Variants in RIMS2 observed in about 807,000 individuals in gnomAD.
RIMS2 encodes regulating synaptic membrane exocytosis protein 2.
RIMS2 carries 59 observed loss-of-function variants against 174.4 expected under a neutral mutation model. The observed-to-expected ratio is 0.34, with a 90% CI of 0.27 to 0.42. RIMS2 has a LOEUF of 0.42. RIMS2 is among the 10% of genes least tolerant of loss of function. RIMS2 has a pLI of 1.00. For missense variants in RIMS2, 1,620 were observed against 1,666.3 expected (o/e 0.97, Z 0.48); for synonymous variants, 606 against 572.5 (o/e 1.06, Z -0.84).
intron 1 of RIMS2, among the ~76,000 whole-genome samples, chr8:103,566,730 A>G (rs1451585080): frequency 2.0e-5 from 3 of 152,034 alleles, no homozygotes; most frequent in Non-Finnish European, 2.9e-5. Flanking sequence ...ATCCTTTCCT[A>G]TATCCTTGTA....
chr8:103,700,230 A>G (rs1381231919), intron 2 of RIMS2, among the ~76,000 whole-genome samples: 4 of 151,990 alleles, frequency 2.6e-5, no homozygotes, highest in Admixed American at 2.0e-4. Context: ...TTATAGTTTT[A>G]TGTATTTTTA....
At chr8:104,160,900 C>A (rs1409675952) in intron 19 of RIMS2, among the ~76,000 whole-genome samples, 1 of 152,090 alleles carries the variant, frequency 6.6e-6, no homozygotes, top group Admixed American at 6.6e-5. Context: ...TGAGGATTAG[C>A]AAGATTCTGT....
At chr8:104,228,323 C>T (rs541875765) in intron 19 of RIMS2, among the ~76,000 whole-genome samples, 169 of 152,142 alleles carry the variant, frequency 1.1e-3, no homozygotes, top group Non-Finnish European at 1.8e-3. Flanking sequence ...CCACCGTGCC[C>T]GGCCTAGCTT....
intron 1 of RIMS2, among the ~76,000 whole-genome samples, chr8:103,551,816 C>G (rs1405634787): frequency 6.6e-6 from 1 of 152,086 alleles, no homozygotes; most frequent in African/African-American, 2.4e-5. Context: ...AACAGACAAA[C>G]AGAGAGCCAA....
In RIMS2 at chr8:103,579,484, AC is replaced by A. The variant is rs1186808144; in HGVS notation, c.176+78423del. On this transcript the variant is annotated intron_variant, in intron 1 of 23. Transcript: ENST00000504942. ...GTATGAAGCTCAAAAGACAGATCTA[AC>A]AATAATCATAGTTATAGCTACCTTT... 2.6e-5 allele frequency among the ~76,000 whole-genome samples: 4 copies of A among 152,350 alleles called. No homozygotes were observed. The East Asian group carries it at 7.7e-4, about 29-fold the overall frequency.
Position 103,733,734 on chromosome 8 carries a change from C to T in RIMS2, c.388-32493C>T, listed in dbSNP as rs555444789. Among the ~76,000 whole-genome samples, 8 of 152,284 alleles carry T rather than the reference C, an allele frequency of 5.3e-5. No homozygotes were observed. The South Asian group carries it at 1.2e-3, about 24-fold the overall frequency. ...AACGCTAAGTCGCATAATCACTGTT[C>T]TCTCCCTCCTCCAAACTCACAGATT... is the stretch of plus-strand genomic sequence containing the variant. On this transcript the variant is annotated intron_variant, in intron 2 of 23. Transcript: ENST00000504942.
At chr8:103,752,412 T>C (rs1460176595) in intron 2 of RIMS2, among the ~76,000 whole-genome samples, 1 of 152,162 alleles carries the variant, frequency 6.6e-6, no homozygotes, top group Non-Finnish European at 1.5e-5. Context: ...TCTTTTGGCT[T>C]AGGATTGACT....
rs866087395 is a variant in RIMS2, at chr8:103,787,466, G to C, written c.698+20929G>C. ...TCAGGAGCTCTTTTAGGGCAGGCCT[G>C]GTGGTGACAAAATCTCTCAGCATTT... is the stretch of plus-strand genomic sequence containing the variant. On this transcript the variant is annotated intron_variant, in intron 3 of 23. Coordinates refer to ENST00000504942, the Ensembl canonical transcript of RIMS2. Among the ~76,000 whole-genome samples the C allele has an allele frequency of 2.6e-3, 384 of 150,526 alleles. 8 individuals carry two copies. The South Asian group carries it at 0.036, about 14-fold the overall frequency.
chr8:103,803,525 C>T (rs1459017466), intron 3 of RIMS2, among the ~76,000 whole-genome samples: 3 of 152,014 alleles, frequency 2.0e-5, no homozygotes, highest in African/African-American at 7.3e-5. Flanking sequence ...GTAAACCCAC[C>T]ATATGACAAC....
chr8:103,627,063 G>T (rs1194428250), intron 1 of RIMS2, among the ~76,000 whole-genome samples: 1 of 152,138 alleles, frequency 6.6e-6, no homozygotes, highest in East Asian at 1.9e-4. Flanking sequence ...TACTGCAGGA[G>T]ACCAGGGTGT....
rs758249996 is a variant in RIMS2, at chr8:103,915,568, C to T, written c.1886C>T (p.Ala629Val). The T allele has an allele frequency of 1.0e-5, 16 of 1,599,612 alleles. No homozygotes were observed. In the African/African-American group the frequency reaches 1.5e-4, roughly 15 times the overall value. Reference sequence around the variant, plus strand: ...ACTAAAGTAAAAAAAGGAAGTTTAGCTGATACTGTAGGACATCTTAGACCA... The same window carrying T: ...ACTAAAGTAAAAAAAGGAAGTTTAGTTGATACTGTAGGACATCTTAGACCA... Residue 629 changes from alanine to valine, a missense_variant, in exon 7 of 24, where the codon GCT becomes GTT. Physicochemically the swap from Ala to Val is moderately conservative, Grantham distance 64. Transcript: ENST00000504942.
intron 1 of RIMS2, among the ~76,000 whole-genome samples, chr8:103,552,009 G>GA (rs1484485865): frequency 6.6e-6 from 1 of 152,146 alleles, no homozygotes; most frequent in Non-Finnish European, 1.5e-5. Flanking sequence ...TCAATATCGT[G>GA]AAAATGGCCA....
At chr8:103,758,521 G>A (rs571827835) in intron 2 of RIMS2, among the ~76,000 whole-genome samples, 4 of 152,046 alleles carry the variant, frequency 2.6e-5, no homozygotes, top group East Asian at 1.9e-4. Context: ...TAATGAAGAC[G>A]TGAACATGAA....
At chr8:104,256,081 A>G (rs1416567054), downstream of RIMS2, 2 of 152,242 alleles carry the variant, frequency 1.3e-5, no homozygotes, top group Non-Finnish European at 2.9e-5. Flanking sequence ...CTCAATAAAC[A>G]TCTGTCCAAT....
At chr8:103,910,779 G>A (rs1162146077) in intron 5 of RIMS2, among the ~76,000 whole-genome samples, 3 of 152,076 alleles carry the variant, frequency 2.0e-5, no homozygotes, top group Non-Finnish European at 4.4e-5. Context: ...ATAAAACTTA[G>A]GAACAAAGGA....
intron 15 of RIMS2, among the ~76,000 whole-genome samples, chr8:103,971,478 T>G (rs925103615): frequency 6.6e-6 from 1 of 152,180 alleles, no homozygotes; most frequent in African/African-American, 2.4e-5. Flanking sequence ...ACATATTTAA[T>G]ATTTGACCTA....
chr8:103,503,576 G>A (rs1821693299), intron 1 of RIMS2, among the ~76,000 whole-genome samples: 1 of 151,828 alleles, frequency 6.6e-6, no homozygotes, highest in African/African-American at 2.4e-5. Context: ...TGTATTTTAA[G>A]AGTAGAGAGA....
intron 1 of RIMS2, among the ~76,000 whole-genome samples, chr8:103,546,024 A>G (rs1844892074): frequency 6.6e-6 from 1 of 152,202 alleles, no homozygotes; most frequent in East Asian, 1.9e-4. Context: ...TTGAACCTGC[A>G]CATATCAGTA....
At chr8:103,602,578 T>C (rs2094813033) in intron 1 of RIMS2, among the ~76,000 whole-genome samples, 1 of 152,190 alleles carries the variant, frequency 6.6e-6, no homozygotes, top group Non-Finnish European at 1.5e-5. Flanking sequence ...TGTTCTTGCA[T>C]TAGTTTGCTT....
Sources: allele counts gnomAD v4.1 joint callset (sites outside exome capture counted in the v4.1 genomes callset), GRCh38; gene constraint gnomAD v4.1.1; transcripts MANE v1.5; gene names NCBI Gene and HGNC (gene_info 2026-07-23, HGNC 2026-07-21).